The following OLFM4 variants were observed in gnomAD, a reference collection of about 807,000 sequenced individuals.
The protein encoded by OLFM4 is olfactomedin-4.
In OLFM4, 22 loss-of-function variants were observed where a neutral mutation model predicts 25.5. The ratio of observed to expected loss-of-function variants is 0.86; its 90% CI spans 0.62 to 1.23. OLFM4 has a LOEUF of 1.23. OLFM4 is among the 50% of genes most tolerant of loss of function. OLFM4 has a pLI of 0.00. For synonymous variants in OLFM4, 255 were observed against 237.7 expected (o/e 1.07, Z -0.67); for missense variants, 594 against 619.4 (o/e 0.96, Z 0.44).
chr13:53,050,439 A>G lies in OLFM4; in HGVS notation c.1201A>G (p.Ser401Gly), dbSNP rs1348366728. The G allele has an allele frequency of 1.9e-6, 3 of 1,614,102 alleles. No individual in the cohort carries two copies. Among genetic ancestry groups the G allele is most frequent in the Non-Finnish European group, 2.5e-6 (3 of 1,179,970 alleles). ...GTGGGTTATTTATTCAACTGAAGCC[A>G]GCACTGGTAACATGGTGATTAGTAA... is the stretch of plus-strand genomic sequence containing the variant. ...GLWVIYSTEA[S>G]TGNMVISKLN... Residue 401 changes from serine (S) to glycine (G), a missense_variant, in exon 5 of 5, where the codon AGC becomes GGC. Ser to Gly is a moderately conservative substitution (Grantham distance 56, BLOSUM62 0). Transcript: ENST00000219022.
rs113971958 is a variant in OLFM4, at chr13:53,040,605, C to T, written c.358-1305C>T. On this transcript the variant is annotated intron_variant, in intron 2 of 4. Coordinates refer to ENST00000219022, the MANE Select transcript of OLFM4 (RefSeq NM_006418.5). ...TGTCCCCAGGGAACATTTAGCAATGCCCAGAGACATTTTTGGTTATCATAA... is the reference window on the plus strand; with the variant it reads ...TGTCCCCAGGGAACATTTAGCAATGTCCAGAGACATTTTTGGTTATCATAA... Among the ~76,000 whole-genome samples, 87 of 152,272 alleles carry T rather than the reference C, an allele frequency of 5.7e-4. No homozygotes were observed. In the South Asian group the frequency reaches 8.1e-3, roughly 14 times the overall value.
chr13:53,048,658 C>T (rs532986108), intron 4 of OLFM4, among the ~76,000 whole-genome samples: 1 of 152,230 alleles, frequency 6.6e-6, no homozygotes, highest in South Asian at 2.1e-4. Context: ...TAATCTCAGG[C>T]AATTCTTTGG....
At chr13:53,030,053 A>G (rs998446673) in intron 1 of OLFM4, among the ~76,000 whole-genome samples, 1 of 152,124 alleles carries the variant, frequency 6.6e-6, no homozygotes, top group Non-Finnish European at 1.5e-5. Context: ...AGCCTCTAGG[A>G]TCTTTCCTCA....
In OLFM4 at chr13:53,043,208, A is replaced by G. The variant is rs1250768478; in HGVS notation, c.674A>G (p.Glu225Gly). Reference sequence around the variant, plus strand: ...GTGGCTCTGAAGACCAAGCTGAAAGAGTGTGAGGCCTCTAAAGATCAAAAC... The same window carrying G: ...GTGGCTCTGAAGACCAAGCTGAAAGGGTGTGAGGCCTCTAAAGATCAAAAC... ...EIVALKTKLK[E>G]CEASKDQNTP... Residue 225 changes from glutamate to glycine, a missense_variant, in exon 4 of 5, where the codon GAG (glutamate) becomes GGG (glycine). Glu to Gly is a moderately conservative substitution (Grantham distance 98). Transcript: ENST00000219022. The G allele has an allele frequency of 6.2e-7, 1 of 1,613,394 alleles. No individual in the cohort carries two copies. Among genetic ancestry groups the G allele is most frequent in the African/African-American group, 1.3e-5 (1 of 74,964 alleles).
At chr13:53,046,167 T>C (rs1954714376) in intron 4 of OLFM4, among the ~76,000 whole-genome samples, 2 of 152,204 alleles carry the variant, frequency 1.3e-5, no homozygotes, top group African/African-American at 4.8e-5. Context: ...GCCTAATTCT[T>C]ATAAGTCAAT....
chr13:53,045,352 T>G (rs2138240414), intron 4 of OLFM4, among the ~76,000 whole-genome samples: 1 of 152,326 alleles, frequency 6.6e-6, no homozygotes, highest in African/African-American at 2.4e-5. Context: ...CAACCTTGGC[T>G]GTACCTGAAT....
At chr13:53,046,336 A>T (rs536744592) in intron 4 of OLFM4, among the ~76,000 whole-genome samples, 1 of 152,220 alleles carries the variant, frequency 6.6e-6, no homozygotes, top group East Asian at 1.9e-4. Context: ...AATATTTTAA[A>T]TTCTCATGAT....
At position 53,051,318 on chromosome 13, in the gene OLFM4, G is replaced by A. The variant is rs1262071880; in HGVS notation, c.*547G>A. ...TGTGGCAGATAAGTAAATTTGGCAT[G>A]CTTATATATTCTACATCTGTAAAGT... On this transcript the variant is annotated 3_prime_UTR_variant, in exon 5 of 5. Coordinates refer to ENST00000219022, the MANE Select transcript of OLFM4 (RefSeq NM_006418.5). 1.3e-5 allele frequency: 2 copies of A among 152,442 alleles called. No individual in the cohort carries two copies. Among genetic ancestry groups the A allele is most frequent in the African/African-American group, 4.8e-5 (2 of 41,542 alleles). The allele number at this position is 152,442 out of a possible 1,614,324, so 9.4% of individuals were successfully genotyped here. A position where few individuals can be genotyped will look rare whatever the true frequency, so the allele number is the denominator to read the frequency against.
At chr13:53,038,230 A>C (rs1954669548) in intron 2 of OLFM4, among the ~76,000 whole-genome samples, 1 of 152,098 alleles carries the variant, frequency 6.6e-6, no homozygotes, top group African/African-American at 2.4e-5. Flanking sequence ...CCCACCCCCC[A>C]GTTATGAGAA....
intron 1 of OLFM4, among the ~76,000 whole-genome samples, chr13:53,034,095 G>A (rs564489690): frequency 6.7e-6 from 1 of 148,816 alleles, no homozygotes; most frequent in East Asian, 2.0e-4. Flanking sequence ...TCGAGAATGG[G>A]GAATCTTCCT....
At chr13:53,047,335 A>G (rs1954720900) in intron 4 of OLFM4, among the ~76,000 whole-genome samples, 2 of 152,150 alleles carry the variant, frequency 1.3e-5, no homozygotes, top group Admixed American at 1.3e-4. Flanking sequence ...AACAGTGGGC[A>G]CTGGACTGGC....
intron 4 of OLFM4, 107 bp downstream of exon 4, chr13:53,043,371 GTTTT>G: frequency 3.0e-4 from 92 of 303,298 alleles, no homozygotes; most frequent in Middle Eastern, 1.7e-3. Flanking sequence ...AAGGTGGGTT[GTTTT>G]TTTTTTTTTT....
intron 4 of OLFM4, among the ~76,000 whole-genome samples, chr13:53,046,915 A>G (rs1274254131): frequency 6.6e-6 from 1 of 152,182 alleles, no homozygotes; most frequent in Admixed American, 6.5e-5. Context: ...TATTTTCCAT[A>G]CTAGGCTGCC....
Position 53,043,252 on chromosome 13 carries a change from C to T in OLFM4, c.718C>T (p.Pro240Ser). Residue 240 changes from proline to serine, a missense_variant, in exon 4 of 5, where the codon CCT becomes TCT. Coordinates refer to ENST00000219022, the MANE Select transcript of OLFM4 (RefSeq NM_006418.5). ...KDQNTPVVHP[P>S]PTPGSCGHGG... is the part of the protein sequence containing the mutation. ...TCAAAACACCCCTGTCGTCCACCCT[C>T]CTCCCACTCCAGGTAAGCATGCCAG... 3 of 1,604,066 alleles carry T rather than the reference C, an allele frequency of 1.9e-6. No individual in the cohort carries two copies. The East Asian group carries it at 6.7e-5, about 36-fold the overall frequency.
At chr13:53,031,578 A>T (rs1299329601) in intron 1 of OLFM4, among the ~76,000 whole-genome samples, 2 of 152,198 alleles carry the variant, frequency 1.3e-5, no homozygotes, top group Non-Finnish European at 2.9e-5. Context: ...CACTCCACAG[A>T]GTAACTGGTA....
chr13:53,035,534 G>T (rs566108730), intron 2 of OLFM4, among the ~76,000 whole-genome samples: 1 of 152,252 alleles, frequency 6.6e-6, no homozygotes, highest in South Asian at 2.1e-4. Context: ...CTGTTGTGCT[G>T]TTGAATACTA....
rs541356967 is a variant in OLFM4, at chr13:53,032,202, T to C, written c.205-2146T>C. ...TTCAGGACTAAAAGTTGTTAGCTAG[T>C]GGTTCCTAATTGACTGTCTAGAGAT... On this transcript the variant is annotated intron_variant, in intron 1 of 4. Coordinates refer to ENST00000219022, the MANE Select transcript of OLFM4 (RefSeq NM_006418.5). Among the ~76,000 whole-genome samples the C allele has an allele frequency of 2.6e-5, 4 of 152,322 alleles. No homozygotes were observed. In the East Asian group the frequency reaches 7.7e-4, roughly 29 times the overall value.
intron 4 of OLFM4, among the ~76,000 whole-genome samples, chr13:53,045,286 C>G (rs956141397): frequency 2.0e-5 from 3 of 152,112 alleles, no homozygotes; most frequent in Non-Finnish European, 4.4e-5. Flanking sequence ...GTGATCCATC[C>G]TAGCCCAGCT....
Position 53,034,362 on chromosome 13 carries a change from C to T in OLFM4, c.219C>T (p.Phe73=). Residue 73 remains phenylalanine (F), a synonymous_variant, in exon 2 of 5, where the codon TTC becomes TTT. Transcript: ENST00000219022. ...GGSVSQLFSN[F]TGSVDDRGTC... Reference sequence around the variant, plus strand: ...ATTATTTGCAGTTGTTTTCCAATTTCACCGGCTCCGTGGATGACCGTGGGA... The same window carrying T: ...ATTATTTGCAGTTGTTTTCCAATTTTACCGGCTCCGTGGATGACCGTGGGA... The T allele has an allele frequency of 6.2e-7, 1 of 1,609,578 alleles. No individual in the cohort carries two copies. The highest frequency in any genetic ancestry group is 8.5e-7 in the Non-Finnish European group (1 of 1,178,906).
Sources: allele counts gnomAD v4.1 joint callset (sites outside exome capture counted in the v4.1 genomes callset), GRCh38; gene constraint gnomAD v4.1.1; transcripts MANE v1.5; gene names NCBI Gene and HGNC (gene_info 2026-07-23, HGNC 2026-07-21).